RPA3: variants seen among roughly 807,000 people sequenced by gnomAD.
RPA3 encodes replication protein A3.
A neutral mutation model predicts 13.7 loss-of-function variants in RPA3; 24 were observed. The ratio of observed to expected loss-of-function variants is 1.75; its 90% CI spans 1.27 to 2.46. RPA3 has a LOEUF of 2.46. RPA3 is among the 30% of genes most tolerant of loss of function. The pLI, the probability that RPA3 is intolerant of heterozygous loss-of-function variation, is 0.00. For missense variants in RPA3, 183 were observed against 151.0 expected (o/e 1.21, Z -1.11); for synonymous variants, 59 against 51.2 (o/e 1.15, Z -0.65).
At chr7:7,676,234 T>C (rs563293542) in intron 4 of RPA3, 5 of 398,596 alleles carry the variant, frequency 1.3e-5, no homozygotes, top group Non-Finnish European at 2.2e-5. Context: ...CAGTACCACT[T>C]AGCATATCTA....
At chr7:7,680,791 TTTACTGG>T (rs1409004303) in intron 4 of RPA3, among the ~76,000 whole-genome samples, 3 of 152,168 alleles carry the variant, frequency 2.0e-5, no homozygotes, top group African/African-American at 7.2e-5. Context: ...AGTATTTTAT[TTTACTGG>T]TAGCTTTATA....
intron 2 of RPA3, among the ~76,000 whole-genome samples, chr7:7,697,606 C>T (rs1224823736): frequency 6.6e-6 from 1 of 152,132 alleles, no homozygotes; most frequent in East Asian, 1.9e-4. Flanking sequence ...GGGGTGGGCA[C>T]CTAACTTTAA....
rs577126214 is a variant in RPA3, at chr7:7,718,112, T to G, written c.-1080+403A>C. On this transcript the variant is annotated intron_variant, in intron 1 of 7. Coordinates refer to ENST00000223129, the MANE Select transcript of RPA3 (RefSeq NM_002947.5). ...CTTCACATTGTTGTATAATAAGTTATAAATTTTAGATCAGATAAGAAAGTA... is the reference window on the plus strand; with the variant it reads ...CTTCACATTGTTGTATAATAAGTTAGAAATTTTAGATCAGATAAGAAAGTA... Among the ~76,000 whole-genome samples, 7 of 152,326 alleles carry G rather than the reference T, an allele frequency of 4.6e-5. 1 individual carries two copies. The highest frequency in any genetic ancestry group is 1.7e-4 in the African/African-American group (7 of 41,570).
chr7:7,641,074 C>T lies in RPA3; in HGVS notation c.-656G>A, dbSNP rs1347128751. ...CCCCCTTGGAGATGGGCAGCGGGGT[C>T]ATCAGTGATCTTGATCACTTTCTTC... On this transcript the variant is annotated 5_prime_UTR_variant, in exon 5 of 8. It removes an upstream start codon present in the reference 5' UTR. Transcript: ENST00000223129. 4 of 152,654 alleles carry T rather than the reference C, an allele frequency of 2.6e-5. No homozygotes were observed. The highest frequency in any genetic ancestry group is 7.2e-5 in the African/African-American group (3 of 41,452). 9.5% of individuals were successfully genotyped at this position (152,654 alleles called of 1,614,324 possible).
intron 4 of RPA3, among the ~76,000 whole-genome samples, chr7:7,683,897 A>G (rs570952692): frequency 2.0e-4 from 31 of 152,148 alleles, no homozygotes; most frequent in Middle Eastern, 3.4e-3. Context: ...AGCTGGGATT[A>G]TAGGCGTGAG....
At chr7:7,642,196 A>T (rs1784989489) in intron 4 of RPA3, among the ~76,000 whole-genome samples, 1 of 152,152 alleles carries the variant, frequency 6.6e-6, no homozygotes, top group South Asian at 2.1e-4. Context: ...GTGCAGTAGC[A>T]TGCACATAGC....
intron 5 of RPA3, 102 bp from the exon 6 acceptor site, chr7:7,639,246 T>A: frequency 5.2e-6 from 4 of 763,286 alleles, no homozygotes; most frequent in South Asian, 2.0e-5. Context: ...AACTGTTTCT[T>A]GAACAGTTTA....
At chr7:7,717,366 T>C (rs1174196684) in intron 1 of RPA3, among the ~76,000 whole-genome samples, 1 of 152,154 alleles carries the variant, frequency 6.6e-6, no homozygotes, top group Non-Finnish European at 1.5e-5. Context: ...CTCCTGTTTC[T>C]TTCATCTATT....
intron 2 of RPA3, among the ~76,000 whole-genome samples, chr7:7,704,766 C>CAAAAAAAAAA (rs71011001): frequency 5.6e-5 from 1 of 17,852 alleles, no homozygotes; most frequent in East Asian, 2.8e-3. Flanking sequence ...GACTCCATCT[C>CAAAAAAAAAA]AAAAAAAAAA....
intron 2 of RPA3, among the ~76,000 whole-genome samples, chr7:7,702,731 G>A (rs1365638855): frequency 6.6e-6 from 1 of 152,164 alleles, no homozygotes; most frequent in East Asian, 1.9e-4. Flanking sequence ...TTTCTGAAAT[G>A]TGCTCCGGTG....
At chr7:7,699,288 T>C (rs1780398814) in intron 2 of RPA3, among the ~76,000 whole-genome samples, 1 of 152,202 alleles carries the variant, frequency 6.6e-6, no homozygotes, top group Admixed American at 6.5e-5. Context: ...TTTTTAGTTT[T>C]CATTGACTCT....
At chr7:7,668,080 CT>C (rs1182032260) in intron 4 of RPA3, among the ~76,000 whole-genome samples, 9 of 152,080 alleles carry the variant, frequency 5.9e-5, no homozygotes. Context: ...CCACAGCTGG[CT>C]AATTTTTTTT....
intron 4 of RPA3, among the ~76,000 whole-genome samples, chr7:7,646,224 ATGGGC>A (rs1785090490): frequency 6.6e-6 from 1 of 152,168 alleles, no homozygotes; most frequent in African/African-American, 2.4e-5. Flanking sequence ...ATCAGGTTAC[ATGGGC>A]TTGAAAGATG....
chr7:7,716,259 T>C (rs1470267866), intron 1 of RPA3, among the ~76,000 whole-genome samples: 1 of 152,148 alleles, frequency 6.6e-6, no homozygotes, highest in Non-Finnish European at 1.5e-5. Flanking sequence ...TTCGATATTA[T>C]TACAACATGG....
Position 7,660,686 on chromosome 7 carries a change from A to G in RPA3, c.-757-19511T>C, listed in dbSNP as rs552073025. ...GAGAGATCCACTGTTAGTCTGATGG[A>G]CTTCCCTTTGTGGGTAACCCAGCCT... On this transcript the variant is annotated intron_variant, in intron 4 of 7. Coordinates refer to ENST00000223129, the MANE Select transcript of RPA3 (RefSeq NM_002947.5). Among the ~76,000 whole-genome samples the G allele has an allele frequency of 6.6e-5, 10 of 152,240 alleles. 1 individual carries two copies. Among genetic ancestry groups the G allele is most frequent in the African/African-American group, 2.4e-4 (10 of 41,554 alleles).
At chr7:7,709,641 G>C (rs1258832939) in intron 2 of RPA3, among the ~76,000 whole-genome samples, 1 of 152,198 alleles carries the variant, frequency 6.6e-6, no homozygotes, top group African/African-American at 2.4e-5. Context: ...ACAAGGGTCT[G>C]TTTGGTATGT....
chr7:7,656,891 C>A (rs919984104), intron 4 of RPA3, among the ~76,000 whole-genome samples: 1 of 152,252 alleles, frequency 6.6e-6, no homozygotes, highest in African/African-American at 2.4e-5. Context: ...AATCACCACA[C>A]TGACTTCCAC....
intron 2 of RPA3, among the ~76,000 whole-genome samples, chr7:7,703,399 T>G (rs1333350482): frequency 4.6e-5 from 7 of 152,230 alleles, no homozygotes; most frequent in African/African-American, 1.7e-4. Flanking sequence ...TTTTTAACTT[T>G]TTAGTATGAA....
At chr7:7,641,688 T>A (rs1784977623) in intron 4 of RPA3, 1 of 152,120 alleles carries the variant, frequency 6.6e-6, no homozygotes, top group African/African-American at 2.4e-5. Flanking sequence ...TGAGTGCACA[T>A]AAAAATACCT....
Sources: gnomAD v4.1 joint callset for allele counts (sites outside exome capture counted in the v4.1 genomes callset) on GRCh38, gnomAD v4.1.1 for gene constraint, MANE v1.5 for transcripts, NCBI Gene and HGNC (gene_info 2026-07-23, HGNC 2026-07-21) for gene names.